RAD21: variants seen among roughly 807,000 people sequenced by gnomAD.
RAD21 encodes the protein double-strand-break repair protein rad21 homolog.
A neutral mutation model predicts 71.5 loss-of-function variants in RAD21; 18 were observed. The observed-to-expected ratio is 0.25, with a 90% confidence interval of 0.17 to 0.37. The LOEUF is 0.37. Among genes scored for constraint, RAD21 ranks in the 10% least tolerant of loss-of-function variants. RAD21 has a pLI of 1.00. For synonymous variants in RAD21, 248 were observed against 254.0 expected, an observed-to-expected ratio of 0.98 and a Z score of 0.22; for missense variants, 493 against 769.1, an observed-to-expected ratio of 0.64 and a Z score of 4.25.
chr8:116,852,198 C>A, intron 10 of RAD21, 102 bp from the exon 11 acceptor site: 1 of 1,107,916 alleles, frequency 9.0e-7, no homozygotes, highest in Non-Finnish European at 1.2e-6. Context: ...ATACATAATG[C>A]TTTCTTTAAT....
At chr8:116,849,390 A>G (rs1282443110) in intron 12 of RAD21, 6 of 211,518 alleles carry the variant, frequency 2.8e-5, no homozygotes, top group African/African-American at 1.4e-4. Context: ...AATCAACTGT[A>G]CCACTAAATA....
At chr8:116,850,794 T>TAAGCAA in intron 11 of RAD21, 27 bp from the exon 12 acceptor site, 1 of 1,448,358 alleles carries the variant, frequency 6.9e-7, no homozygotes, top group Non-Finnish European at 9.6e-7. Flanking sequence ...TAAGACAATT[T>TAAGCAA]AAGATATATG....
At chr8:116,853,743 A>ACAG (rs1812402149) in intron 9 of RAD21, among the ~76,000 whole-genome samples, 1 of 152,186 alleles carries the variant, frequency 6.6e-6, no homozygotes, top group Non-Finnish European at 1.5e-5. Flanking sequence ...TAGTAGCCTA[A>ACAG]CAGCACTGCT....
Position 116,858,423 on chromosome 8 carries a change from T to C in RAD21, c.410A>G (p.Gln137Arg). 6.2e-7 allele frequency: 1 copy of C among 1,613,170 alleles called. No homozygotes were observed. The highest frequency in any genetic ancestry group is 8.5e-7 in the Non-Finnish European group (1 of 1,179,524). ...IDVAQQFSLN[Q>R]SRVEEITMRE... ...CATGGTTATCTCTTCCACTCTACTC[T>C]GATTCAAGCTGAACTGCTGGGCCAC... The change falls in exon 5 of 14, where the codon CAG becomes CGG. Residue 137 changes from glutamine to arginine, a missense_variant. Physicochemically the swap from Gln to Arg is conservative, Grantham distance 43. This residue lies in a region of RAD21 where 165 missense variants were observed against 229.6 expected (regional missense o/e 0.72). Transcript: ENST00000297338.
rs779023416 is a variant in RAD21, at chr8:116,872,564, A to ACACT, written c.-33+2046_-33+2047insAGTG. Among the ~76,000 whole-genome samples, 105 of 151,828 alleles carry ACACT rather than the reference A, an allele frequency of 6.9e-4. 1 individual carries two copies. Among genetic ancestry groups the ACACT allele is most frequent in the Non-Finnish European group, 8.2e-4 (56 of 67,904 alleles). ...TACACACACACACACACACACACAC[A>ACACT]CATATTTTAACTCGGGACATAAATG... On this transcript the variant is annotated intron_variant, in intron 1 of 13. Coordinates refer to ENST00000297338, the MANE Select transcript of RAD21 (RefSeq NM_006265.3).
Position 116,847,130 on chromosome 8 carries a change from T to C in RAD21, c.*370A>G. On this transcript the variant is annotated 3_prime_UTR_variant, in exon 14 of 14. Coordinates refer to ENST00000297338, the MANE Select transcript of RAD21 (RefSeq NM_006265.3). ...AGTTTTAAATTAAACTGTCAGGCAT[T>C]TTCTCAGACAGGTTTTCCTTTTCAA... 2 of 243,382 alleles carry C rather than the reference T, an allele frequency of 8.2e-6. No individual in the cohort carries two copies. The highest frequency in any genetic ancestry group is 1.6e-5 in the Non-Finnish European group (2 of 125,214). 15.1% of individuals were successfully genotyped at this position (243,382 alleles called of 1,614,324 possible).
intron 9 of RAD21, among the ~76,000 whole-genome samples, chr8:116,853,188 T>C (rs576616866): frequency 2.6e-5 from 4 of 152,206 alleles, no homozygotes; most frequent in Non-Finnish European, 5.9e-5. Flanking sequence ...AAGTGATTCT[T>C]GTGCCTCAGC....
intron 10 of RAD21, 22 bp downstream of exon 10, chr8:116,852,527 G>T (rs376203382): frequency 7.6e-6 from 12 of 1,571,540 alleles, no homozygotes; most frequent in Non-Finnish European, 1.0e-5. Flanking sequence ...CTTCATCAAG[G>T]AACTATTCCA....
intron 2 of RAD21, among the ~76,000 whole-genome samples, chr8:116,864,935 G>T (rs1345259084): frequency 6.6e-6 from 1 of 152,090 alleles, no homozygotes; most frequent in Non-Finnish European, 1.5e-5. Context: ...GGGAGTGGAA[G>T]AGAGAAGAGA....
At chr8:116,858,536 A>C in intron 4 of RAD21, 78 bp from the exon 5 acceptor site, 1 of 1,136,520 alleles carries the variant, frequency 8.8e-7, no homozygotes, top group Admixed American at 2.2e-5. Context: ...TCTATAAGAA[A>C]AATTAAAAAA....
intron 2 of RAD21, among the ~76,000 whole-genome samples, chr8:116,865,357 A>G (rs1360841648): frequency 6.6e-6 from 1 of 152,180 alleles, no homozygotes; most frequent in Non-Finnish European, 1.5e-5. Flanking sequence ...CGGATGTTAA[A>G]GATTAGCCAC....
At chr8:116,854,192 T>A in intron 9 of RAD21, 53 bp downstream of exon 9, 8 of 1,385,004 alleles carry the variant, frequency 5.8e-6, no homozygotes, top group Non-Finnish European at 8.0e-6. Context: ...AGAATCTTTT[T>A]TTTTTAGATG....
In RAD21 at chr8:116,857,260, C is replaced by T; in HGVS notation, c.688+7G>A. On this transcript the variant is annotated splice_region_variant and intron_variant, in intron 6 of 13. Transcript: ENST00000297338. ...TTTATGCTGGAATAACCATCATTCC[C>T]ACATACCTAATATTCCACCATCATT... The T allele has an allele frequency of 1.9e-6, 3 of 1,596,700 alleles. No individual in the cohort carries two copies. Among genetic ancestry groups the T allele is most frequent in the South Asian group, 1.1e-5 (1 of 90,570 alleles).
rs1812603032 is a variant in RAD21 at position 116,862,071 on chromosome 8, T to C, written c.275-131A>G. 9.8e-6 allele frequency: 6 copies of C among 612,254 alleles called. No homozygotes were observed. In the South Asian group the frequency reaches 1.1e-4, roughly 11 times the overall value. The allele number at this position is 612,254 out of a possible 1,614,324, so 37.9% of individuals were successfully genotyped here. On this transcript the variant is annotated intron_variant, in intron 3 of 13. Transcript: ENST00000297338. ...GGTTGATAACATATGCAAAATACCT[T>C]GAAGCACAAGTACTTCTCTTTTTCC...
At chr8:116,872,457 G>T (rs1374297) in intron 1 of RAD21, among the ~76,000 whole-genome samples, 1 of 151,950 alleles carries the variant, frequency 6.6e-6, no homozygotes, top group South Asian at 2.1e-4. Flanking sequence ...CATGAAACTG[G>T]TGATACTGGT....
Position 116,847,081 on chromosome 8 carries a change from T to A in RAD21, c.*419A>T, listed in dbSNP as rs1322330022. The A allele has an allele frequency of 1.3e-5, 3 of 230,630 alleles. No individual in the cohort carries two copies. In the South Asian group the frequency reaches 5.4e-4, roughly 42 times the overall value. 14.3% of individuals were successfully genotyped at this position (230,630 alleles called of 1,614,324 possible). ...GGAAAGAAGTGTTTGTTTGTTTTTT[T>A]TTCTTGTCAAAGACTTACACCATAG... On this transcript the variant is annotated 3_prime_UTR_variant, in exon 14 of 14. Transcript: ENST00000297338.
intron 5 of RAD21, among the ~76,000 whole-genome samples, 153 bp downstream of exon 5, chr8:116,858,199 T>C (rs1024890436): frequency 5.9e-5 from 9 of 152,208 alleles, no homozygotes; most frequent in African/African-American, 1.9e-4. Context: ...TAATGCTTAA[T>C]CTACTGGTAG....
chr8:116,867,491 C>T (rs1812720152), intron 1 of RAD21, among the ~76,000 whole-genome samples: 1 of 152,164 alleles, frequency 6.6e-6, no homozygotes, highest in South Asian at 2.1e-4. Context: ...TCCTTCAGCA[C>T]TCTAATGTAT....
chr8:116,848,792 C>T (rs1812296264), intron 13 of RAD21, 154 bp downstream of exon 13: 2 of 461,638 alleles, frequency 4.3e-6, no homozygotes, highest in Admixed American at 4.3e-5. Flanking sequence ...AACTCTCCCT[C>T]CAGAAAAAAT....
Sources: allele counts gnomAD v4.1 joint callset (sites outside exome capture counted in the v4.1 genomes callset), GRCh38; gene constraint gnomAD v4.1.1; regional missense constraint gnomAD v4.1.1; transcripts MANE v1.5; gene names NCBI Gene and HGNC (gene_info 2026-07-23, HGNC 2026-07-21).